The following KY variants were observed in gnomAD, a reference collection of about 807,000 sequenced individuals.
The protein encoded by KY is kyphoscoliosis peptidase.
A neutral mutation model predicts 76.1 loss-of-function variants in KY; 43 were observed. The ratio of observed to expected loss-of-function variants is 0.57; its 90% CI spans 0.44 to 0.73. KY has a LOEUF of 0.73. Ranked by LOEUF, KY falls within the 30% of genes least tolerant of loss-of-function variation. The probability of loss-of-function intolerance (pLI) is 0.00; values close to 1 mark genes in which losing one functional copy is unlikely to be tolerated. For synonymous variants in KY, 277 were observed against 326.2 expected (o/e 0.85, Z 1.63); for missense variants, 722 against 828.9 (o/e 0.87, Z 1.58).
Position 134,649,273 on chromosome 3 carries a change from GC to G in KY, c.136+1551del, listed in dbSNP as rs1966798837. 4.6e-5 allele frequency among the ~76,000 whole-genome samples: 7 copies of G among 152,278 alleles called. 1 individual carries two copies. The South Asian group carries it at 1.5e-3, about 32-fold the overall frequency. ...ACTAGTGTGCATACATGAGTCTGGA[GC>G]CATGGCGAGTTTGTGCTAGGTGTTG... is the stretch of plus-strand genomic sequence containing the variant. On this transcript the variant is annotated intron_variant, in intron 1 of 10. Coordinates refer to ENST00000423778, the MANE Select transcript of KY (RefSeq NM_178554.6).
intron 2 of KY, among the ~76,000 whole-genome samples, chr3:134,645,662 G>A (rs771047396): frequency 1.3e-5 from 2 of 152,200 alleles, no homozygotes; most frequent in Non-Finnish European, 2.9e-5. Context: ...TGGTAGAAGC[G>A]TCATTTTTTC....
intron 8 of KY, 92 bp downstream of exon 8, chr3:134,619,056 C>T: frequency 9.6e-7 from 1 of 1,043,064 alleles, no homozygotes; most frequent in Non-Finnish European, 1.5e-6. Context: ...ACTCAGGTTT[C>T]AGGCCTGGCA....
chr3:134,643,545 C>T (rs74315632), intron 2 of KY, among the ~76,000 whole-genome samples, 167 bp from the exon 3 acceptor site: 3 of 152,304 alleles, frequency 2.0e-5, no homozygotes, highest in African/African-American at 7.2e-5. Flanking sequence ...CAAACCAGCA[C>T]GACACTGTGC....
chr3:134,629,718 A>G (rs1963968093), intron 3 of KY, 23 bp from the exon 4 acceptor site: 2 of 1,509,172 alleles, frequency 1.3e-6, no homozygotes, highest in Non-Finnish European at 1.8e-6. Flanking sequence ...AGGAGATGAC[A>G]TTCTCAACCA....
intron 10 of KY, chr3:134,607,179 A>T: frequency 4.1e-6 from 4 of 985,496 alleles, no homozygotes; most frequent in Non-Finnish European, 4.8e-6. Context: ...CAAGCCCTGC[A>T]TCTGTTGTAA....
chr3:134,618,051 C>A (rs1477709547), intron 8 of KY, among the ~76,000 whole-genome samples: 1 of 152,004 alleles, frequency 6.6e-6, no homozygotes, highest in Non-Finnish European at 1.5e-5. Flanking sequence ...GTACCCTGAC[C>A]CACCGTGGCT....
intron 2 of KY, among the ~76,000 whole-genome samples, chr3:134,647,006 G>T (rs1201939152): frequency 6.6e-6 from 1 of 152,192 alleles, no homozygotes; most frequent in East Asian, 1.9e-4. Flanking sequence ...CAGGCCAGCA[G>T]GGAGCTATAG....
chr3:134,640,287 G>C (rs1211810999), intron 3 of KY, among the ~76,000 whole-genome samples: 4 of 152,194 alleles, frequency 2.6e-5, no homozygotes, highest in Admixed American at 1.3e-4. Context: ...GGAAGAGACA[G>C]TATGGGGGAG....
chr3:134,629,594 C>A, intron 4 of KY, 27 bp downstream of exon 4: 3 of 1,566,154 alleles, frequency 1.9e-6, no homozygotes, highest in Non-Finnish European at 2.6e-6. Context: ...GCCAGCCCTC[C>A]ACCATGAGTA....
rs1428276459 is a variant in KY at position 134,650,820 on chromosome 3, G to A, written c.136+5C>T. The A allele has an allele frequency of 1.9e-6, 3 of 1,579,712 alleles. 1 individual carries two copies. In the South Asian group the frequency reaches 3.4e-5, roughly 18 times the overall value. On this transcript the variant is annotated splice_donor_5th_base_variant and intron_variant, in intron 1 of 10. Transcript: ENST00000423778. ...ACCCGGGGACCCGGGTCGGGCGCGC[G>A]TTACCTCCTCCGCGCTGCAGCAGCG...
intron 8 of KY, among the ~76,000 whole-genome samples, chr3:134,615,914 C>T (rs1472926815): frequency 3.3e-5 from 5 of 152,196 alleles, no homozygotes; most frequent in African/African-American, 9.7e-5. Flanking sequence ...AGTGGAAAGC[C>T]AGCTGACATC....
intron 3 of KY, among the ~76,000 whole-genome samples, chr3:134,638,477 G>A (rs536181091): frequency 1.0e-3 from 153 of 152,206 alleles, no homozygotes; most frequent in African/African-American, 3.6e-3. Context: ...AGGCTGCCTG[G>A]CTGGCCTCTC....
At chr3:134,638,501 C>T (rs1965283922) in intron 3 of KY, among the ~76,000 whole-genome samples, 1 of 152,180 alleles carries the variant, frequency 6.6e-6, no homozygotes, top group South Asian at 2.1e-4. Flanking sequence ...TGCATCCCTC[C>T]CCAGCTCCAC....
rs1181725246 is a variant in KY at position 134,640,563 on chromosome 3, C to T, written c.262+2753G>A. On this transcript the variant is annotated intron_variant, in intron 3 of 10. Coordinates refer to ENST00000423778, the MANE Select transcript of KY (RefSeq NM_178554.6). Reference sequence around the variant, plus strand: ...CTTCCAAGAAGGCTTCTCTGGGGGCCGGTGTGGTTCGCAGAACAGAGCCCA... The same window carrying T: ...CTTCCAAGAAGGCTTCTCTGGGGGCTGGTGTGGTTCGCAGAACAGAGCCCA... 3.9e-5 allele frequency among the ~76,000 whole-genome samples: 6 copies of T among 152,028 alleles called. No individual in the cohort carries two copies. The South Asian group carries it at 6.2e-4, about 16-fold the overall frequency.
chr3:134,604,739 G>A (rs1334591344), intron 10 of KY, among the ~76,000 whole-genome samples: 1 of 152,146 alleles, frequency 6.6e-6, no homozygotes, highest in African/African-American at 2.4e-5. Flanking sequence ...AAAGCTAAGG[G>A]GCCTCTAGAA....
chr3:134,608,054 ACTCT>A (rs1959551074), intron 10 of KY: 1 of 1,070,876 alleles, frequency 9.3e-7, no homozygotes, highest in South Asian at 2.9e-5. Context: ...GTCTGCCCCA[ACTCT>A]CTGTCTTGGG....
At chr3:134,650,676 T>G in intron 1 of KY, 149 bp downstream of exon 1, 6 of 730,034 alleles carry the variant, frequency 8.2e-6, no homozygotes, top group Non-Finnish European at 1.3e-5. Context: ...CCGGTGCCAC[T>G]GCGGGGAAGC....
intron 2 of KY, among the ~76,000 whole-genome samples, chr3:134,645,949 C>T (rs1966391636): frequency 1.3e-5 from 2 of 152,210 alleles, no homozygotes. Flanking sequence ...TCAATCCTCT[C>T]CTGATGTAAT....
intron 3 of KY, among the ~76,000 whole-genome samples, chr3:134,629,976 CA>C (rs1310772307): frequency 6.6e-6 from 1 of 152,192 alleles, no homozygotes; most frequent in Non-Finnish European, 1.5e-5. Flanking sequence ...GAGGATTCTG[CA>C]AAGTAAATAA....
Sources: allele counts gnomAD v4.1 joint callset (sites outside exome capture counted in the v4.1 genomes callset), GRCh38; gene constraint gnomAD v4.1.1; transcripts MANE v1.5; gene names NCBI Gene and HGNC (gene_info 2026-07-23, HGNC 2026-07-21).